CSPP1: variants seen among roughly 807,000 people sequenced by gnomAD.
CSPP1 encodes centrosome and spindle pole associated protein 1.
A neutral mutation model predicts 164.4 loss-of-function variants in CSPP1; 126 were observed. The observed-to-expected ratio is 0.77, with a 90% confidence interval of 0.66 to 0.89. The LOEUF is 0.89. CSPP1 is among the 40% of genes least tolerant of loss of function. The probability of loss-of-function intolerance (pLI) is 0.00; values close to 1 mark genes in which losing one functional copy is unlikely to be tolerated. For missense variants in CSPP1, 1,395 were observed against 1,449.8 expected, an observed-to-expected ratio of 0.96 and a Z score of 0.61; for synonymous variants, 472 against 476.7, an observed-to-expected ratio of 0.99 and a Z score of 0.13.
intron 10 of CSPP1, 79 bp downstream of exon 10, chr8:67,112,144 G>A (rs1364474491): frequency 1.1e-6 from 1 of 879,254 alleles, no homozygotes; most frequent in Non-Finnish European, 1.8e-6. Context: ...TAAATAAGGG[G>A]TTGTCGTTCT....
chr8:67,160,117 A>G (rs572939765), intron 21 of CSPP1, among the ~76,000 whole-genome samples: 182 of 145,266 alleles, frequency 1.3e-3, no homozygotes, highest in Non-Finnish European at 2.4e-3. Context: ...TTTGGGCTCA[A>G]GTTATCCTCC....
intron 1 of CSPP1, among the ~76,000 whole-genome samples, chr8:67,073,028 G>A (rs1378561204): frequency 1.3e-5 from 2 of 152,050 alleles, no homozygotes; most frequent in Non-Finnish European, 2.9e-5. Flanking sequence ...AAAACACTCA[G>A]AGAGATAACC....
At chr8:67,186,045 G>A (rs1834495529) in intron 28 of CSPP1, among the ~76,000 whole-genome samples, 1 of 152,212 alleles carries the variant, frequency 6.6e-6, no homozygotes, top group South Asian at 2.1e-4. Context: ...GTGAAGAATT[G>A]CTTCTGGATG....
chr8:67,192,033 G>GGAGATATGTCTATTCAAATCCTTTGCT (rs1280411210), intron 29 of CSPP1, among the ~76,000 whole-genome samples: 1 of 151,190 alleles, frequency 6.6e-6, no homozygotes, highest in East Asian at 1.9e-4. Context: ...TATTTTCTTA[G>GGAGATATGTCTATTCAAATCCTTTGCT]GAGATATGTC....
Position 67,163,758 on chromosome 8 carries a change from AC to A in CSPP1, c.2675del (p.Pro892ArgfsTer18), listed in dbSNP as rs1349155855. ...HESSMSRAQS[P>X]PVPARKNQLR... ...AAAGTTCCATGTCCAGGGCACAGTC[AC>A]CCCCGGTACCTGCCAGGAAAAATCA... On this transcript the variant is annotated frameshift_variant, in exon 23 of 31. Transcript: ENST00000678616. LOFTEE classifies it high-confidence loss of function. 1 of 1,613,510 alleles carries A rather than the reference AC, an allele frequency of 6.2e-7. No homozygotes were observed. The highest frequency in any genetic ancestry group is 1.7e-5 in the Admixed American group (1 of 59,960).
chr8:67,096,156 A>G (rs772514855), intron 7 of CSPP1, among the ~76,000 whole-genome samples: 2 of 152,250 alleles, frequency 1.3e-5, no homozygotes, highest in Non-Finnish European at 1.5e-5. Context: ...TAGCGTCCAA[A>G]GAAACCTTGA....
At chr8:67,074,144 A>G (rs1485712990) in intron 1 of CSPP1, 99 bp from the exon 2 acceptor site, 6 of 632,120 alleles carry the variant, frequency 9.5e-6, no homozygotes, top group Non-Finnish European at 1.4e-5. Flanking sequence ...TCAATTTGAT[A>G]AGTGAGATTG....
At chr8:67,171,330 G>A (rs1375187391) in intron 24 of CSPP1, among the ~76,000 whole-genome samples, 1 of 151,564 alleles carries the variant, frequency 6.6e-6, no homozygotes, top group African/African-American at 2.4e-5. Context: ...AAACCCGGGA[G>A]GAGGAGGCTG....
intron 14 of CSPP1, 30 bp from the exon 15 acceptor site, chr8:67,118,712 AC>A: frequency 1.4e-6 from 2 of 1,461,348 alleles, no homozygotes; most frequent in South Asian, 2.5e-5. Flanking sequence ...TTCTAAATAA[AC>A]TTTTTTTGTT....
chr8:67,155,173 A>T (rs1424303731), intron 19 of CSPP1, among the ~76,000 whole-genome samples: 2 of 152,108 alleles, frequency 1.3e-5, no homozygotes, highest in Non-Finnish European at 2.9e-5. Flanking sequence ...TGAATGTGAG[A>T]TACTTGCTCA....
chr8:67,121,973 G>A (rs1331740669), intron 15 of CSPP1, among the ~76,000 whole-genome samples: 2 of 151,842 alleles, frequency 1.3e-5, no homozygotes, highest in African/African-American at 4.8e-5. Flanking sequence ...TTCCCTTACA[G>A]TCCTTTCTTA....
intron 21 of CSPP1, among the ~76,000 whole-genome samples, chr8:67,159,908 CTTTCTTTCTT>C (rs1379653201): frequency 1.8e-4 from 12 of 66,134 alleles, no homozygotes; most frequent in Admixed American, 3.3e-4. Context: ...TTCTTTCTTT[CTTTCTTTCTT>C]TCTTTCCTTT....
At chr8:67,164,318 A>C in intron 23 of CSPP1, 73 bp from the exon 24 acceptor site, 2 of 723,424 alleles carry the variant, frequency 2.8e-6, no homozygotes, top group South Asian at 3.4e-5. Context: ...ATTATTAGTC[A>C]GGTTGTGTTT....
At position 67,105,948 on chromosome 8, in the gene CSPP1, T is replaced by C; in HGVS notation, c.1066T>C (p.Cys356Arg). The C allele has an allele frequency of 6.3e-7, 1 of 1,593,692 alleles. No individual in the cohort carries two copies. The highest frequency in any genetic ancestry group is 1.1e-5 in the South Asian group (1 of 90,610). ...ETSKSANQDT[C>R]SPFAGMLFGG... ...ATCCAAATCTGCTAATCAAGATACC[T>C]GTAGTCCTTTTGCAGGGATGCTCTT... The change falls in exon 9 of 31, where the codon TGT becomes CGT. Residue 356 changes from cysteine (C) to arginine (R), a missense_variant. By Grantham distance (180) the Cys-to-Arg change is radical (BLOSUM62 -3). Coordinates refer to ENST00000678616, the MANE Select transcript of CSPP1 (RefSeq NM_001382391.1).
At chr8:67,161,062 G>C (rs1490800944) in intron 21 of CSPP1, among the ~76,000 whole-genome samples, 1 of 152,066 alleles carries the variant, frequency 6.6e-6, no homozygotes, top group Non-Finnish European at 1.5e-5. Context: ...CAGGTGACCT[G>C]CCTGCTTGGC....
chr8:67,127,845 T>G (rs1269635147), intron 15 of CSPP1, among the ~76,000 whole-genome samples: 1 of 152,208 alleles, frequency 6.6e-6, no homozygotes, highest in Admixed American at 6.5e-5. Flanking sequence ...GTTATAAAAG[T>G]TAGATAACTG....
At chr8:67,192,511 G>A (rs549397814) in intron 29 of CSPP1, among the ~76,000 whole-genome samples, 10 of 152,110 alleles carry the variant, frequency 6.6e-5, no homozygotes, top group East Asian at 1.9e-4. Flanking sequence ...TTTCTTGATG[G>A]TGTTCTTTGA....
At chr8:67,168,116 G>A (rs1385197733) in intron 24 of CSPP1, among the ~76,000 whole-genome samples, 4 of 152,178 alleles carry the variant, frequency 2.6e-5, no homozygotes, top group African/African-American at 7.2e-5. Context: ...CCAACACAGC[G>A]AAACCCCGTT....
chr8:67,163,249 A>C (rs1390129762), intron 22 of CSPP1, among the ~76,000 whole-genome samples: 3 of 152,292 alleles, frequency 2.0e-5, no homozygotes, highest in East Asian at 1.9e-4. Flanking sequence ...CAGTAGACCC[A>C]AAAGTACTGC....
Sources: allele counts gnomAD v4.1 joint callset (sites outside exome capture counted in the v4.1 genomes callset), GRCh38; gene constraint gnomAD v4.1.1; transcripts MANE v1.5; gene names NCBI Gene and HGNC (gene_info 2026-07-23, HGNC 2026-07-21).